The following NOS1 variants were observed in gnomAD, a reference collection of about 807,000 sequenced individuals.
NOS1 encodes nitric oxide synthase 1.
NOS1 carries 51 observed loss-of-function variants against 164.5 expected under a neutral mutation model. The ratio of observed to expected loss-of-function variants is 0.31; its 90% CI spans 0.25 to 0.39. The LOEUF (loss-of-function observed/expected upper bound fraction) is 0.39, where lower values mean the gene tolerates loss of function less well. NOS1 is among the 10% of genes least tolerant of loss of function. The pLI is 1.00. For synonymous variants in NOS1, 719 were observed against 745.8 expected (o/e 0.96, Z 0.59); for missense variants, 1,362 against 1,885.6 (o/e 0.72, Z 5.14).
At chr12:117,347,579 TG>T (rs2136090241) in intron 1 of NOS1, among the ~76,000 whole-genome samples, 1 of 152,230 alleles carries the variant, frequency 6.6e-6, no homozygotes, top group South Asian at 2.1e-4. Context: ...TGCTAGTGAG[TG>T]AGTTTTAAAG....
chr12:117,262,080 A>AT (rs1871951737), intron 13 of NOS1, among the ~76,000 whole-genome samples: 1 of 152,170 alleles, frequency 6.6e-6, no homozygotes, highest in Non-Finnish European at 1.5e-5. Context: ...TAAGTTCATT[A>AT]TTTTTTAGAA....
At position 117,272,610 on chromosome 12, in the gene NOS1, G is replaced by T; in HGVS notation, c.1665-51C>A. The T allele has an allele frequency of 6.4e-7, 1 of 1,550,630 alleles. No homozygotes were observed. The highest frequency in any genetic ancestry group is 8.8e-7 in the Non-Finnish European group (1 of 1,137,452). On this transcript the variant is annotated intron_variant, in intron 9 of 28. Coordinates refer to ENST00000317775, the MANE Select transcript of NOS1 (RefSeq NM_000620.5). The surrounding 1 kb of genome is among the most constrained non-coding windows in gnomAD (Gnocchi z 4.3). ...CACCCGGAGCAGGTGTCTCATGGGC[G>T]GGACAGCTTGAATCTAGAGATGCTG...
intron 2 of NOS1, among the ~76,000 whole-genome samples, chr12:117,326,604 G>A (rs1298804912): frequency 1.3e-5 from 2 of 152,144 alleles, no homozygotes; most frequent in African/African-American, 4.8e-5. Context: ...GCCGCTTTCG[G>A]GCAAACCACC....
chr12:117,243,309 C>G lies in NOS1; in HGVS notation c.2950G>C (p.Glu984Gln). The G allele has an allele frequency of 6.2e-7, 1 of 1,614,148 alleles. No individual in the cohort carries two copies. The highest frequency in any genetic ancestry group is 8.5e-7 in the Non-Finnish European group (1 of 1,180,016). ...TGGTGGGAGGTACCTTGTGTGAGTT[C>G]TGGAGCTTCGGCCACAAAGGTGAGG... The part of the protein sequence containing the change: ...FRLTFVAEAP[E>Q]LTQGLSNVHK... The change falls in exon 19 of 29, where the codon GAA becomes CAA. Residue 984 changes from glutamate (E) to glutamine (Q), a missense_variant. Coordinates refer to ENST00000317775, the MANE Select transcript of NOS1 (RefSeq NM_000620.5). This position sits in a 1 kb window ranked among gnomAD's most constrained non-coding sequence, Gnocchi z 4.3.
Position 117,311,147 on chromosome 12 carries a change from G to A in NOS1, c.852+319C>T, listed in dbSNP as rs897865082. 9.2e-5 allele frequency among the ~76,000 whole-genome samples: 14 copies of A among 152,330 alleles called. 1 individual carries two copies. Among genetic ancestry groups the A allele is most frequent in the Admixed American group, 9.1e-4 (14 of 15,304 alleles). ...CCCAAAATGCTGGGGTTACAGGCATGAGGCACTATGACCAGCTACCATGTA... is the reference window on the plus strand; with the variant it reads ...CCCAAAATGCTGGGGTTACAGGCATAAGGCACTATGACCAGCTACCATGTA... On this transcript the variant is annotated intron_variant, in intron 3 of 28. Coordinates refer to ENST00000317775, the MANE Select transcript of NOS1 (RefSeq NM_000620.5).
At chr12:117,361,323 C>A (rs924311583) in intron 1 of NOS1, among the ~76,000 whole-genome samples, 189 bp downstream of exon 1, 3 of 151,330 alleles carry the variant, frequency 2.0e-5, no homozygotes, top group Admixed American at 2.0e-4. Context: ...GCGCGCGTCC[C>A]TCCCCTTCCC....
chr12:117,360,487 G>A (rs1593050122), intron 1 of NOS1, among the ~76,000 whole-genome samples: 1 of 152,378 alleles, frequency 6.6e-6, no homozygotes, highest in Non-Finnish European at 1.5e-5. Flanking sequence ...TCCTTTGCGG[G>A]AGAAGCACAA....
At chr12:117,216,663 G>T (rs947065608) in intron 28 of NOS1, among the ~76,000 whole-genome samples, 8 of 151,910 alleles carry the variant, frequency 5.3e-5, no homozygotes, top group African/African-American at 1.9e-4. Context: ...ATTATTTGTA[G>T]AGACAGGGTC....
intron 2 of NOS1, among the ~76,000 whole-genome samples, chr12:117,328,385 T>A (rs1331907210): frequency 6.6e-6 from 1 of 152,050 alleles, no homozygotes; most frequent in African/African-American, 2.4e-5. Context: ...GGCAGGTTGG[T>A]TTCGAACTCC....
intron 1 of NOS1, among the ~76,000 whole-genome samples, chr12:117,354,038 AT>A (rs1437088287): frequency 1.3e-5 from 2 of 152,218 alleles, no homozygotes; most frequent in African/African-American, 4.8e-5. Flanking sequence ...AGCCAAAAAA[AT>A]ATGTGGCTCT....
intron 20 of NOS1, among the ~76,000 whole-genome samples, chr12:117,238,537 G>T (rs1242399137): frequency 2.7e-5 from 4 of 148,720 alleles, no homozygotes; most frequent in African/African-American, 1.0e-4. Context: ...CTTTTTTTGA[G>T]ATGGAGTCTC....
At chr12:117,247,618 A>G (rs2135960689) in intron 17 of NOS1, 96 bp from the exon 18 acceptor site, 1 of 1,094,450 alleles carries the variant, frequency 9.1e-7, no homozygotes, top group Non-Finnish European at 1.3e-6. Flanking sequence ...CCCAAATTTC[A>G]TATATTAAAA....
At chr12:117,299,989 G>A (rs1267429626) in intron 3 of NOS1, among the ~76,000 whole-genome samples, 4 of 152,008 alleles carry the variant, frequency 2.6e-5, no homozygotes, top group Non-Finnish European at 4.4e-5. Flanking sequence ...CTATGATACC[G>A]CATCATACTG....
chr12:117,328,589 T>C (rs499262), intron 2 of NOS1, among the ~76,000 whole-genome samples: 121,739 of 151,838 alleles, frequency 0.8, 48,933 homozygotes, highest in South Asian at 0.85. Flanking sequence ...GACGCAGTCT[T>C]GCTCTCGCTC....
intron 3 of NOS1, among the ~76,000 whole-genome samples, chr12:117,308,897 A>C (rs1874293344): frequency 1.3e-5 from 2 of 152,210 alleles, no homozygotes; most frequent in South Asian, 4.2e-4. Context: ...GCCTGGCCAT[A>C]GATTATGTAA....
At chr12:117,268,010 G>A (rs1361611118) in intron 11 of NOS1, 33 bp downstream of exon 11, 1 of 1,470,604 alleles carries the variant, frequency 6.8e-7, no homozygotes, top group South Asian at 1.2e-5. Context: ...CTCATTTGAA[G>A]CTTGACCCTG....
At chr12:117,247,599 C>G (rs532833016) in intron 17 of NOS1, 77 bp from the exon 18 acceptor site, 127 of 1,296,022 alleles carry the variant, frequency 9.8e-5, no homozygotes, top group Non-Finnish European at 1.3e-4. Context: ...ATGGGCTAAA[C>G]TGTGTCCCCC....
chr12:117,255,008 C>T (rs975414897), intron 16 of NOS1, among the ~76,000 whole-genome samples: 54 of 152,014 alleles, frequency 3.6e-4, no homozygotes, highest in African/African-American at 1.1e-3. Context: ...TGCTAAATGA[C>T]GAGTTAATGG....
chr12:117,248,501 CCATGTCCCTA>C (rs1394105399), intron 17 of NOS1, among the ~76,000 whole-genome samples: 4 of 151,664 alleles, frequency 2.6e-5, no homozygotes, highest in African/African-American at 9.7e-5. Context: ...CCAATTTCAT[CCATGTCCCTA>C]CAAAGGACAT....
Sources: allele counts gnomAD v4.1 joint callset (sites outside exome capture counted in the v4.1 genomes callset), GRCh38; gene constraint gnomAD v4.1.1; non-coding constraint Gnocchi (gnomAD v3.1); transcripts MANE v1.5; gene names NCBI Gene and HGNC (gene_info 2026-07-23, HGNC 2026-07-21).